The following RELN variants were observed in gnomAD, a reference collection of about 807,000 sequenced individuals.
The protein encoded by RELN is reelin.
A neutral mutation model predicts 427.6 loss-of-function variants in RELN; 108 were observed. That is an observed-to-expected ratio of 0.25 (90% CI 0.22 to 0.30). The LOEUF (loss-of-function observed/expected upper bound fraction) is 0.30. RELN is among the 10% of genes least tolerant of loss of function. The probability of loss-of-function intolerance (pLI) is 1.00; values close to 1 mark genes in which losing one functional copy is unlikely to be tolerated. For synonymous variants in RELN, 1,524 were observed against 1,513.4 expected (o/e 1.01, Z -0.16); for missense variants, 3,715 against 4,302.8 (o/e 0.86, Z 3.82).
At chr7:103,735,057 A>G (rs767891302) in intron 6 of RELN, among the ~76,000 whole-genome samples, 3 of 152,106 alleles carry the variant, frequency 2.0e-5, no homozygotes, top group Non-Finnish European at 4.4e-5. Flanking sequence ...TATGTACACC[A>G]TCTCTTTTTT....
chr7:103,543,411 C>T (rs2965088), intron 42 of RELN, among the ~76,000 whole-genome samples: 5 of 152,158 alleles, frequency 3.3e-5, no homozygotes, highest in Admixed American at 2.6e-4. Context: ...TTTGGGAGGC[C>T]GAGGCAGGTG....
At position 103,637,481 on chromosome 7, in the gene RELN, G is replaced by A. The variant is rs552245269; in HGVS notation, c.2070-1013C>T. Reference sequence around the variant, plus strand: ...TATGCTGGCCTTTCAAGGAGTCCATGGAATGTAAAAATATGCTAAATCAAA... The same window carrying A: ...TATGCTGGCCTTTCAAGGAGTCCATAGAATGTAAAAATATGCTAAATCAAA... On this transcript the variant is annotated intron_variant, in intron 17 of 64. Transcript: ENST00000428762. Among the ~76,000 whole-genome samples the A allele has an allele frequency of 2.0e-5, 3 of 152,220 alleles. No homozygotes were observed. In the South Asian group the frequency reaches 6.2e-4, roughly 32 times the overall value.
chr7:103,531,310 T>A (rs573390174), intron 46 of RELN, among the ~76,000 whole-genome samples: 7 of 152,346 alleles, frequency 4.6e-5, no homozygotes, highest in African/African-American at 1.7e-4. Context: ...TTTTTGTTCA[T>A]TTATTTATAA....
chr7:103,956,635 A>G (rs544717546), intron 1 of RELN, among the ~76,000 whole-genome samples: 6 of 152,240 alleles, frequency 3.9e-5, no homozygotes, highest in Non-Finnish European at 5.9e-5. Flanking sequence ...GTAAAAGTGT[A>G]TAAGACTGAA....
intron 3 of RELN, among the ~76,000 whole-genome samples, chr7:103,819,574 T>G (rs114981250): frequency 6.6e-6 from 1 of 152,158 alleles, no homozygotes; most frequent in African/African-American, 2.4e-5. Flanking sequence ...CCTTTGATCT[T>G]TGGAGAGGTC....
intron 1 of RELN, among the ~76,000 whole-genome samples, chr7:103,983,451 CTA>C (rs2116847188): frequency 6.6e-6 from 1 of 152,254 alleles, no homozygotes; most frequent in South Asian, 2.1e-4. Context: ...GCGGAATGTC[CTA>C]AGAGCCAATA....
chr7:103,948,319 A>G (rs1796260454), intron 1 of RELN, among the ~76,000 whole-genome samples: 1 of 152,176 alleles, frequency 6.6e-6, no homozygotes, highest in Non-Finnish European at 1.5e-5. Flanking sequence ...TTATATAATC[A>G]GTATACTTAA....
chr7:103,523,546 A>G lies in RELN; in HGVS notation c.7350-15T>C, dbSNP rs532399420. 117 of 1,614,076 alleles carry G rather than the reference A, an allele frequency of 7.2e-5. 1 individual carries two copies. The highest frequency in any genetic ancestry group is 4.0e-4 in the South Asian group (36 of 91,072). ...TGGCTTGGGACCTTTGAAGAAGATG[A>G]GAATTTTAATGAAGGATGCTGTGGA... On this transcript the variant is annotated splice_polypyrimidine_tract_variant and intron_variant, in intron 46 of 64. Coordinates refer to ENST00000428762, the MANE Select transcript of RELN (RefSeq NM_005045.4).
chr7:103,630,078 G>C lies in RELN; in HGVS notation c.2564C>G (p.Ala855Gly). The C allele has an allele frequency of 6.2e-7, 1 of 1,612,740 alleles. No individual in the cohort carries two copies. The highest frequency in any genetic ancestry group is 1.1e-5 in the South Asian group (1 of 91,032). The change falls in exon 20 of 65, where the codon GCT becomes GGT. Residue 855 changes from alanine to glycine, a missense_variant. Coordinates refer to ENST00000428762, the MANE Select transcript of RELN (RefSeq NM_005045.4). The part of the protein sequence containing the change: ...YHSSQREDVW[A>G]IDEIIMTSVL... Reference sequence around the variant, plus strand: ...AGATGTCATGATAATCTCATCAATAGCCCATACATCTTCTCTCTGGGAAGA... The same window carrying C: ...AGATGTCATGATAATCTCATCAATACCCCATACATCTTCTCTCTGGGAAGA...
At chr7:103,600,287 G>A (rs1831634004) in intron 24 of RELN, among the ~76,000 whole-genome samples, 1 of 152,178 alleles carries the variant, frequency 6.6e-6, no homozygotes, top group Non-Finnish European at 1.5e-5. Flanking sequence ...ACTTCAACAT[G>A]CTTGCTGGTG....
intron 20 of RELN, among the ~76,000 whole-genome samples, chr7:103,619,233 G>C (rs1372760960): frequency 6.6e-6 from 1 of 152,154 alleles, no homozygotes; most frequent in Admixed American, 6.5e-5. Context: ...GATAGAATTG[G>C]GGGGAATGTG....
Position 103,611,683 on chromosome 7 carries a change from G to C in RELN, c.2823C>G (p.Thr941=). Residue 941 remains threonine, a synonymous_variant, in exon 21 of 65, where the codon ACC becomes ACG. Coordinates refer to ENST00000428762, the MANE Select transcript of RELN (RefSeq NM_005045.4). ...GCTTCACCTGGTTGTCCATGTGTGG[G>C]GTGTATTTCTGGCCACATCCCATCA... ...SLVMGCGQKY[T]PHMDNQVKLE... 6.2e-7 allele frequency: 1 copy of C among 1,613,680 alleles called. No individual in the cohort carries two copies. The highest frequency in any genetic ancestry group is 8.5e-7 in the Non-Finnish European group (1 of 1,179,890).
chr7:103,689,622 A>G (rs929638391), intron 10 of RELN, among the ~76,000 whole-genome samples: 3 of 152,116 alleles, frequency 2.0e-5, no homozygotes, highest in Admixed American at 6.6e-5. Context: ...TGCCAGACCA[A>G]TATTCACTTC....
intron 6 of RELN, among the ~76,000 whole-genome samples, chr7:103,741,804 G>A (rs1790667682): frequency 6.6e-6 from 1 of 152,264 alleles, no homozygotes; most frequent in South Asian, 2.1e-4. Context: ...AGATATTTGA[G>A]GGGGAGAAGA....
rs1829754947 is a variant in RELN at position 103,523,464 on chromosome 7, C to T, written c.7417G>A (p.Asp2473Asn). ...CAGCCATCCCCGATATAGACATTAT[C>T]TATTGCCCATGTCTGCTGCTTGTCA... ...PFDKQQTWAI[D>N]NVYIGDGCID... is the part of the protein sequence containing the mutation. Residue 2473 changes from aspartate (D) to asparagine (N), a missense_variant, in exon 47 of 65, where the codon GAT (aspartate) becomes AAT (asparagine). By Grantham distance (23) the Asp-to-Asn change is conservative (BLOSUM62 1). Transcript: ENST00000428762. 1 of 1,613,966 alleles carries T rather than the reference C, an allele frequency of 6.2e-7. No homozygotes were observed. Among genetic ancestry groups the T allele is most frequent in the African/African-American group, 1.3e-5 (1 of 74,904 alleles).
chr7:103,514,414 C>T (rs1227356301), intron 50 of RELN, among the ~76,000 whole-genome samples: 1 of 152,134 alleles, frequency 6.6e-6, no homozygotes, highest in East Asian at 1.9e-4. Context: ...AATCTCAGCA[C>T]ACTGGGAGGC....
At chr7:103,811,940 C>T (rs902469404) in intron 3 of RELN, among the ~76,000 whole-genome samples, 4 of 152,198 alleles carry the variant, frequency 2.6e-5, no homozygotes, top group Non-Finnish European at 1.5e-5. Flanking sequence ...GCATAAAGCC[C>T]TTGGATAAGC....
At chr7:103,828,036 C>T (rs1441280309) in intron 3 of RELN, among the ~76,000 whole-genome samples, 1 of 152,028 alleles carries the variant, frequency 6.6e-6, no homozygotes, top group African/African-American at 2.4e-5. Context: ...AATAAACACA[C>T]CCATGGGGGA....
intron 60 of RELN, among the ~76,000 whole-genome samples, chr7:103,488,315 TTTC>T (rs1312452382): frequency 6.6e-6 from 1 of 152,204 alleles, no homozygotes; most frequent in African/African-American, 2.4e-5. Context: ...CAGTACATTT[TTTC>T]TACATGTCCT....
Sources: gnomAD v4.1 joint callset for allele counts (sites outside exome capture counted in the v4.1 genomes callset) on GRCh38, gnomAD v4.1.1 for gene constraint, MANE v1.5 for transcripts, NCBI Gene and HGNC (gene_info 2026-07-23, HGNC 2026-07-21) for gene names.